KCNJ6: variants seen among roughly 807,000 people sequenced by gnomAD.
KCNJ6 encodes potassium inwardly rectifying channel subfamily J member 6, also known as G protein-activated inward rectifier potassium channel 2.
In KCNJ6, 9 loss-of-function variants were observed where a neutral mutation model predicts 34.2. The observed-to-expected ratio is 0.26, with a 90% CI of 0.16 to 0.46. The LOEUF is 0.46. KCNJ6 is among the 20% of genes least tolerant of loss of function. The probability of loss-of-function intolerance (pLI) is 1.00; values close to 1 mark genes in which losing one functional copy is unlikely to be tolerated. For synonymous variants in KCNJ6, 196 were observed against 207.1 expected, an observed-to-expected ratio of 0.95 and a Z score of 0.46; for missense variants, 236 against 531.3, an observed-to-expected ratio of 0.44 and a Z score of 5.46.
At position 37,694,167 on chromosome 21, in the gene KCNJ6, A is replaced by T. The variant is rs550834650; in HGVS notation, c.946+20044T>A. Among the ~76,000 whole-genome samples the T allele has an allele frequency of 5.3e-4, 80 of 152,330 alleles. 3 individuals are homozygous for T. In the South Asian group the frequency reaches 0.012, roughly 23 times the overall value. On this transcript the variant is annotated intron_variant, in intron 3 of 3. Coordinates refer to ENST00000609713, the MANE Select transcript of KCNJ6 (RefSeq NM_002240.5). Reference sequence around the variant, plus strand: ...GTGGTGTTCCCCACACTGCAGCCTCAGATACCTGTGGGCCCTGAGTTTTCC... The same window carrying T: ...GTGGTGTTCCCCACACTGCAGCCTCTGATACCTGTGGGCCCTGAGTTTTCC...
At chr21:37,649,184 A>T (rs115015992) in intron 3 of KCNJ6, among the ~76,000 whole-genome samples, 187 of 150,730 alleles carry the variant, frequency 1.2e-3, no homozygotes, top group African/African-American at 4.4e-3. Flanking sequence ...TTTATAAATC[A>T]CTGTGCTTTT....
chr21:37,657,629 G>T (rs146871735), intron 3 of KCNJ6, among the ~76,000 whole-genome samples: 1,707 of 152,298 alleles, frequency 0.011, 18 homozygotes, highest in Non-Finnish European at 0.019. Context: ...ACTCAGCTGG[G>T]ATCGTTGGGT....
In KCNJ6 at chr21:37,750,676, A is replaced by C. The variant is rs1379554591; in HGVS notation, c.26-35545T>G. On this transcript the variant is annotated intron_variant, in intron 2 of 3. Transcript: ENST00000609713. The stretch of plus-strand genomic sequence containing the variant: ...TCTCTCTCATAAGTGGGAGTTGAAC[A>C]ATGAGAACACATGGGGACACAGGGA... 2.0e-5 allele frequency among the ~76,000 whole-genome samples: 3 copies of C among 152,278 alleles called. No homozygotes were observed. The East Asian group carries it at 5.8e-4, about 29-fold the overall frequency.
At chr21:37,840,108 C>T (rs2055472797) in intron 2 of KCNJ6, among the ~76,000 whole-genome samples, 1 of 152,208 alleles carries the variant, frequency 6.6e-6, no homozygotes, top group South Asian at 2.1e-4. Flanking sequence ...CCCCTTTCCT[C>T]TTAAAAATGC....
At chr21:37,862,456 T>G (rs2055599413) in intron 1 of KCNJ6, among the ~76,000 whole-genome samples, 1 of 152,240 alleles carries the variant, frequency 6.6e-6, no homozygotes, top group South Asian at 2.1e-4. Context: ...GTGCTTTAAT[T>G]CTAAAAGGCG....
At chr21:37,705,756 G>T (rs776212469) in intron 3 of KCNJ6, among the ~76,000 whole-genome samples, 11 of 152,226 alleles carry the variant, frequency 7.2e-5, no homozygotes, top group Non-Finnish European at 1.2e-4. Context: ...AGTGAAGAAA[G>T]AATTTAAAAG....
rs2054562854 is a variant in KCNJ6, at chr21:37,675,949, C to G, written c.946+38262G>C. 6.6e-6 allele frequency among the ~76,000 whole-genome samples: 1 copy of G among 152,220 alleles called. No homozygotes were observed. Among genetic ancestry groups the G allele is most frequent in the Non-Finnish European group, 1.5e-5 (1 of 68,046 alleles). On this transcript the variant is annotated intron_variant, in intron 3 of 3. Transcript: ENST00000609713. This position sits in a 1 kb window ranked among gnomAD's most constrained non-coding sequence, Gnocchi z 4.2. ...TCTAACTGTGGCTTGGCTCCTCTGTCCTCATGTGAGCTCTGGACCAGCAAT... is the reference window on the plus strand; with the variant it reads ...TCTAACTGTGGCTTGGCTCCTCTGTGCTCATGTGAGCTCTGGACCAGCAAT...
intron 3 of KCNJ6, among the ~76,000 whole-genome samples, chr21:37,639,699 G>T (rs2054372758): frequency 6.6e-6 from 1 of 152,128 alleles, no homozygotes; most frequent in Admixed American, 6.5e-5. Context: ...ATATGGTTTG[G>T]ATTTGTGTCC....
At chr21:37,769,572 T>C (rs1301859103) in intron 2 of KCNJ6, among the ~76,000 whole-genome samples, 7 of 151,770 alleles carry the variant, frequency 4.6e-5, no homozygotes, top group Non-Finnish European at 8.8e-5. Flanking sequence ...CTTTCCCCAC[T>C]GAGACGCCTC....
In KCNJ6 at chr21:37,751,108, G is replaced by A. The variant is rs527964239; in HGVS notation, c.26-35977C>T. On this transcript the variant is annotated intron_variant, in intron 2 of 3. Coordinates refer to ENST00000609713, the MANE Select transcript of KCNJ6 (RefSeq NM_002240.5). ...ACAATGAAGTAGGGAATATTTTTGAGGGTGCTGAAGGAATGGACTGATTTT... is the reference window on the plus strand; with the variant it reads ...ACAATGAAGTAGGGAATATTTTTGAAGGTGCTGAAGGAATGGACTGATTTT... Among the ~76,000 whole-genome samples the A allele has an allele frequency of 1.6e-3, 242 of 152,288 alleles. 2 individuals are homozygous for A. The highest frequency in any genetic ancestry group is 5.6e-3 in the African/African-American group (233 of 41,556).
intron 2 of KCNJ6, among the ~76,000 whole-genome samples, chr21:37,751,189 G>A (rs1282402586): frequency 6.6e-6 from 1 of 152,242 alleles, no homozygotes; most frequent in South Asian, 2.1e-4. Flanking sequence ...CACACACAGA[G>A]AGAGAAATGC....
At chr21:37,677,060 A>G (rs1787404) in intron 3 of KCNJ6, among the ~76,000 whole-genome samples, 88,791 of 152,058 alleles carry the variant, frequency 0.58, 26,396 homozygotes, top group East Asian at 0.8. Flanking sequence ...CTAACTGTCC[A>G]GTGGCAGAAA....
At chr21:37,739,510 A>AT (rs1270356991) in intron 2 of KCNJ6, among the ~76,000 whole-genome samples, 1 of 152,218 alleles carries the variant, frequency 6.6e-6, no homozygotes, top group Non-Finnish European at 1.5e-5. Context: ...ATAATGTGAT[A>AT]TAATAAGGGG....
At position 37,626,296 on chromosome 21, in the gene KCNJ6, A is replaced by G. The variant is rs183992048; in HGVS notation, c.947-812T>C. Among the ~76,000 whole-genome samples the G allele has an allele frequency of 3.7e-3, 567 of 151,776 alleles. 2 individuals are homozygous for G. The highest frequency in any genetic ancestry group is 6.8e-3 in the Middle Eastern group (2 of 294). The stretch of plus-strand genomic sequence containing the variant: ...CAGGTGCACACCGCCATGTCCGACT[A>G]ATTTTTTTTTGTATTTTAGTAGAGA... On this transcript the variant is annotated intron_variant, in intron 3 of 3. Transcript: ENST00000609713.
intron 3 of KCNJ6, among the ~76,000 whole-genome samples, chr21:37,626,013 T>C (rs1304477576): frequency 6.6e-6 from 1 of 152,218 alleles, no homozygotes; most frequent in Non-Finnish European, 1.5e-5. Context: ...AGGCCATGAC[T>C]GTGGCTCCAG....
At chr21:37,913,562 G>A (rs2055877309) in intron 1 of KCNJ6, among the ~76,000 whole-genome samples, 1 of 152,214 alleles carries the variant, frequency 6.6e-6, no homozygotes, top group Admixed American at 6.5e-5. Context: ...GCTCACGCCT[G>A]TAATCCCAGC....
At chr21:37,736,951 T>C (rs1319993975) in intron 2 of KCNJ6, among the ~76,000 whole-genome samples, 1 of 152,250 alleles carries the variant, frequency 6.6e-6, no homozygotes, top group Non-Finnish European at 1.5e-5. Flanking sequence ...CTGTTGCAGT[T>C]GACTGGGGGA....
At chr21:37,795,003 C>CTCCA (rs2055234483) in intron 2 of KCNJ6, among the ~76,000 whole-genome samples, 1 of 152,138 alleles carries the variant, frequency 6.6e-6, no homozygotes, top group Non-Finnish European at 1.5e-5. Flanking sequence ...TCATGTAAAA[C>CTCCA]TCCACTTCCC....
At chr21:37,632,745 G>GA (rs1397144639) in intron 3 of KCNJ6, among the ~76,000 whole-genome samples, 2 of 151,938 alleles carry the variant, frequency 1.3e-5, no homozygotes, top group Admixed American at 1.3e-4. Flanking sequence ...AAATATAGAC[G>GA]AAATGGACAA....
Sources: gnomAD v4.1 joint callset for allele counts (sites outside exome capture counted in the v4.1 genomes callset) on GRCh38, gnomAD v4.1.1 for gene constraint, Gnocchi (gnomAD v3.1) non-coding constraint, MANE v1.5 for transcripts, NCBI Gene and HGNC (gene_info 2026-07-23, HGNC 2026-07-21) for gene names.